MCTP1: variants seen among roughly 807,000 people sequenced by gnomAD.
MCTP1 encodes multiple C2 and transmembrane domain-containing protein 1.
MCTP1 carries 69 observed loss-of-function variants against 120.6 expected under a neutral mutation model. The observed-to-expected ratio is 0.57, with a 90% CI of 0.47 to 0.70. The LOEUF (loss-of-function observed/expected upper bound fraction) is 0.70, where lower values mean the gene tolerates loss of function less well. Ranked by LOEUF, MCTP1 falls within the 30% of genes least tolerant of loss-of-function variation. MCTP1 has a pLI of 0.00. For missense variants in MCTP1, 1,203 were observed against 1,248.8 expected, an observed-to-expected ratio of 0.96 and a Z score of 0.55; for synonymous variants, 529 against 493.1, an observed-to-expected ratio of 1.07 and a Z score of -0.96.
rs1262623605 is a variant in MCTP1 at position 95,283,846 on chromosome 5, C to T, written c.720+10G>A. ...CGCACCTTGTCTCCGGCCGCGCCAC[C>T]GGCACTCACCTGGCTGCTGCCGTGC... is the stretch of plus-strand genomic sequence containing the variant. On this transcript the variant is annotated intron_variant, in intron 1 of 22. Transcript: ENST00000515393. 7.4e-7 allele frequency: 1 copy of T among 1,348,632 alleles called. No homozygotes were observed. Among genetic ancestry groups the T allele is most frequent in the Non-Finnish European group, 9.5e-7 (1 of 1,057,700 alleles). 83.5% of individuals were successfully genotyped at this position (1,348,632 alleles called of 1,614,324 possible).
chr5:94,981,282 T>A (rs191023239), intron 2 of MCTP1, among the ~76,000 whole-genome samples: 227 of 152,286 alleles, frequency 1.5e-3, no homozygotes, highest in African/African-American at 5.2e-3. Context: ...AGGGACACAC[T>A]CTTTTTATGC....
intron 1 of MCTP1, among the ~76,000 whole-genome samples, chr5:95,111,043 A>G (rs1261895934): frequency 6.6e-6 from 1 of 152,220 alleles, no homozygotes; most frequent in Non-Finnish European, 1.5e-5. Flanking sequence ...AATAATGTGA[A>G]GGATTCATTT....
rs575802003 is a variant in MCTP1, at chr5:94,722,020, CTAAAACATCACTAACTG to C, written c.2611-7151_2611-7135del. Among the ~76,000 whole-genome samples the C allele has an allele frequency of 2.8e-3, 425 of 152,076 alleles. 2 individuals carry two copies. The highest frequency in any genetic ancestry group is 0.014 in the Admixed American group (211 of 15,272). ...TCTCTTACTAGGTTTTAAATAGTCC[CTAAAACATCACTAACTG>C]TAAAAGTTGAAGTACAGTGATTCTT... On this transcript the variant is annotated intron_variant, in intron 19 of 22. Coordinates refer to ENST00000515393, the MANE Select transcript of MCTP1 (RefSeq NM_024717.7).
chr5:95,090,994 G>A (rs191235885), intron 1 of MCTP1, among the ~76,000 whole-genome samples: 1 of 152,170 alleles, frequency 6.6e-6, no homozygotes. Context: ...TGTAGCCCCT[G>A]CCCACAAGGG....
rs542337515 is a variant in MCTP1, at chr5:94,996,176, T to G, written c.838+21191A>C. 2.0e-5 allele frequency among the ~76,000 whole-genome samples: 3 copies of G among 152,314 alleles called. No individual in the cohort carries two copies. The East Asian group carries it at 5.8e-4, about 29-fold the overall frequency. ...ATTTACTTCATGTAAATCAAATTTA[T>G]TTTCTGAAAGGAGGCCTAATTAACT... On this transcript the variant is annotated intron_variant, in intron 2 of 22. Coordinates refer to ENST00000515393, the MANE Select transcript of MCTP1 (RefSeq NM_024717.7).
chr5:95,205,086 A>T (rs1005129895), intron 1 of MCTP1, among the ~76,000 whole-genome samples: 1 of 152,174 alleles, frequency 6.6e-6, no homozygotes, highest in Non-Finnish European at 1.5e-5. Flanking sequence ...TTTATTAATA[A>T]AAACTTGCTA....
rs146663761 is a variant in MCTP1, at chr5:95,232,562, C to T, written c.720+51294G>A. 3.1e-3 allele frequency among the ~76,000 whole-genome samples: 473 copies of T among 151,554 alleles called. 3 individuals carry two copies. Among genetic ancestry groups the T allele is most frequent in the African/African-American group, 9.7e-3 (399 of 41,308 alleles). The stretch of plus-strand genomic sequence containing the variant: ...CAAGCTCCGCCTCCCAGGTTCATGC[C>T]GTTCTCCTGCCTCAGCCTCCAGAGT... On this transcript the variant is annotated intron_variant, in intron 1 of 22. Transcript: ENST00000515393.
chr5:95,198,446 T>C (rs1053937141), intron 1 of MCTP1, among the ~76,000 whole-genome samples: 8 of 152,192 alleles, frequency 5.3e-5, no homozygotes, highest in South Asian at 2.1e-4. Context: ...AGATATTCCA[T>C]ACTTTAATAT....
chr5:94,711,693 T>C (rs527284145), intron 20 of MCTP1, among the ~76,000 whole-genome samples: 1 of 145,428 alleles, frequency 6.9e-6, no homozygotes, highest in Non-Finnish European at 1.5e-5. Context: ...TGATAACAAA[T>C]GGAAACGAGA....
At chr5:94,895,119 C>G (rs1343287178) in intron 10 of MCTP1, among the ~76,000 whole-genome samples, 1 of 152,118 alleles carries the variant, frequency 6.6e-6, no homozygotes, top group Admixed American at 6.5e-5. Flanking sequence ...CTTCCTATCT[C>G]TAGGTGGCCT....
intron 19 of MCTP1, among the ~76,000 whole-genome samples, chr5:94,748,845 T>C (rs1767544405): frequency 6.6e-6 from 1 of 152,192 alleles, no homozygotes; most frequent in Admixed American, 6.5e-5. Flanking sequence ...ACCTCATATA[T>C]TTTACTATCC....
chr5:94,912,428 C>CA lies in MCTP1; in HGVS notation c.1521+377dup, dbSNP rs564439495. On this transcript the variant is annotated intron_variant, in intron 9 of 22. Coordinates refer to ENST00000515393, the MANE Select transcript of MCTP1 (RefSeq NM_024717.7). Reference sequence around the variant, plus strand: ...GCCTGGTGACAGAGTGAGACTCCATCAAAAAAAAAAAAAAAAAAAAAAAAA... The same window carrying CA: ...GCCTGGTGACAGAGTGAGACTCCATCAAAAAAAAAAAAAAAAAAAAAAAAAA... Among the ~76,000 whole-genome samples, 50 of 31,450 alleles carry CA rather than the reference C, an allele frequency of 1.6e-3. 9 individuals carry two copies. The highest frequency in any genetic ancestry group is 0.01 in the East Asian group (5 of 494). The allele number at this position is 31,450 out of a possible 152,430, so 20.6% of individuals were successfully genotyped here. A position where few individuals can be genotyped will look rare whatever the true frequency, so the allele number is the denominator to read the frequency against.
At chr5:94,811,925 C>T (rs1783510497) in intron 17 of MCTP1, among the ~76,000 whole-genome samples, 1 of 152,128 alleles carries the variant, frequency 6.6e-6, no homozygotes, top group African/African-American at 2.4e-5. Context: ...GATGTATTAT[C>T]TTTCAGGCAT....
At chr5:95,268,710 C>T (rs568079509) in intron 1 of MCTP1, among the ~76,000 whole-genome samples, 2 of 152,248 alleles carry the variant, frequency 1.3e-5, no homozygotes, top group African/African-American at 4.8e-5. Context: ...CTAGGGAGGT[C>T]GGCAACGTTA....
intron 1 of MCTP1, among the ~76,000 whole-genome samples, chr5:95,141,026 T>A (rs1386318865): frequency 6.6e-6 from 1 of 152,118 alleles, no homozygotes; most frequent in African/African-American, 2.4e-5. Context: ...GGTGTATCTA[T>A]CCTTATCAAG....
rs968326266 is a variant in MCTP1, at chr5:94,908,371, T to TA, written c.1652+879dup. ...AAATGATATATATATAACTGCATCA[T>TA]AAAAAAAATCAAGAGATAAATATGT... On this transcript the variant is annotated intron_variant, in intron 10 of 22. Transcript: ENST00000515393. 1.9e-4 allele frequency among the ~76,000 whole-genome samples: 29 copies of TA among 151,892 alleles called. 1 individual carries two copies. Among genetic ancestry groups the TA allele is most frequent in the African/African-American group, 6.5e-4 (27 of 41,464 alleles).
chr5:95,201,120 C>T (rs1296051233), intron 1 of MCTP1, among the ~76,000 whole-genome samples: 1 of 152,192 alleles, frequency 6.6e-6, no homozygotes, highest in East Asian at 1.9e-4. Flanking sequence ...TTAACACACT[C>T]CATTGGTGAA....
At chr5:95,038,940 C>T (rs546429402) in intron 1 of MCTP1, among the ~76,000 whole-genome samples, 1 of 152,170 alleles carries the variant, frequency 6.6e-6, no homozygotes, top group African/African-American at 2.4e-5. Context: ...GTAAAGGAGG[C>T]TGATCTATAA....
chr5:95,054,893 C>T (rs1016071681), intron 1 of MCTP1, among the ~76,000 whole-genome samples: 3 of 152,082 alleles, frequency 2.0e-5, no homozygotes, highest in African/African-American at 4.8e-5. Flanking sequence ...CTGCAACCTC[C>T]GCCTCCCAAG....
Sources: allele counts gnomAD v4.1 joint callset (sites outside exome capture counted in the v4.1 genomes callset), GRCh38; gene constraint gnomAD v4.1.1; transcripts MANE v1.5; gene names NCBI Gene and HGNC (gene_info 2026-07-23, HGNC 2026-07-21).